The following KCNN2 variants were observed in gnomAD, a reference collection of about 807,000 sequenced individuals.
The protein encoded by KCNN2 is potassium calcium-activated channel subfamily N member 2, also known as small conductance calcium-activated potassium channel protein 2.
In KCNN2, 24 loss-of-function variants were observed where a neutral mutation model predicts 55.5. The observed-to-expected ratio is 0.43, with a 90% CI of 0.31 to 0.61. The LOEUF is 0.61. KCNN2 is among the 20% of genes least tolerant of loss of function. The pLI is 0.08. For missense variants in KCNN2, 754 were observed against 853.6 expected, an observed-to-expected ratio of 0.88 and a Z score of 1.45; for synonymous variants, 431 against 336.1, an observed-to-expected ratio of 1.28 and a Z score of -3.09.
intron 2 of KCNN2, among the ~76,000 whole-genome samples, chr5:114,254,333 A>G (rs1254858786): frequency 6.6e-6 from 1 of 152,204 alleles, no homozygotes; most frequent in Non-Finnish European, 1.5e-5. Context: ...CCAAAGTACA[A>G]TGTCTGAATC....
intron 2 of KCNN2, among the ~76,000 whole-genome samples, chr5:114,393,679 A>G (rs995715030): frequency 6.6e-6 from 1 of 152,018 alleles, no homozygotes; most frequent in Non-Finnish European, 1.5e-5. Flanking sequence ...TTTATCATTA[A>G]TTTCTGGAGT....
chr5:114,435,320 T>A (rs1010695750), intron 3 of KCNN2, among the ~76,000 whole-genome samples: 3 of 152,140 alleles, frequency 2.0e-5, no homozygotes, highest in African/African-American at 7.2e-5. Flanking sequence ...GTGTCCCTAG[T>A]TTTGAGGGTG....
chr5:114,123,996 G>A (rs907506152), intron 1 of KCNN2, among the ~76,000 whole-genome samples: 3 of 152,146 alleles, frequency 2.0e-5, no homozygotes, highest in Non-Finnish European at 4.4e-5. Flanking sequence ...CAACAAGAAT[G>A]TTGTTTTACA....
intron 1 of KCNN2, among the ~76,000 whole-genome samples, chr5:114,160,006 A>C (rs1207235662): frequency 6.6e-6 from 1 of 151,840 alleles, no homozygotes; most frequent in African/African-American, 2.4e-5. Context: ...TGTTTCCTTC[A>C]GTTCTGCTCT....
intron 1 of KCNN2, among the ~76,000 whole-genome samples, chr5:114,167,489 T>C (rs1429058604): frequency 6.6e-6 from 1 of 152,146 alleles, no homozygotes; most frequent in African/African-American, 2.4e-5. Flanking sequence ...AACTTACCTG[T>C]ATATACACTC....
At chr5:114,442,366 GTAGTGATTTT>G (rs145448711) in intron 3 of KCNN2, among the ~76,000 whole-genome samples, 6,678 of 152,036 alleles carry the variant, frequency 0.044, 454 homozygotes, top group African/African-American at 0.15. Context: ...GGACATTTAT[GTAGTGATTTT>G]AAGGAAAAAC....
chr5:114,392,383 C>T lies in KCNN2; in HGVS notation c.1219-12055C>T, dbSNP rs903604469. ...AGCAAGTTTTTTTCTTCATACTTTT[C>T]TCCTAGAGAGGAGTTGGCAATTCAG... is the stretch of plus-strand genomic sequence containing the variant. On this transcript the variant is annotated intron_variant, in intron 2 of 7. Coordinates refer to ENST00000673685, the MANE Select transcript of KCNN2 (RefSeq NM_021614.4). Among the ~76,000 whole-genome samples the T allele has an allele frequency of 8.5e-5, 13 of 152,200 alleles. No individual in the cohort carries two copies. In the East Asian group the frequency reaches 2.3e-3, roughly 27 times the overall value.
chr5:114,482,922 A>G (rs1342765406), intron 5 of KCNN2, among the ~76,000 whole-genome samples: 2 of 152,058 alleles, frequency 1.3e-5, no homozygotes, highest in Non-Finnish European at 2.9e-5. Context: ...AGAATAGCTA[A>G]TGGACGCTGG....
Position 114,123,363 on chromosome 5 carries a change from T to TAA in KCNN2, c.-271+66863_-271+66864insAA, listed in dbSNP as rs1751863049. ...GTACATTTTCTTAATTTTTTTTTTTTTTTTTTTTTTTTTTTTTGAGACAGA... is the reference window on the plus strand; with the variant it reads ...GTACATTTTCTTAATTTTTTTTTTTTAATTTTTTTTTTTTTTTTTGAGACAGA... On this transcript the variant is annotated intron_variant, in intron 1 of 10. Coordinates refer to the KCNN2 transcript ENST00000512097. Among the ~76,000 whole-genome samples the TAA allele has an allele frequency of 3.5e-5, 2 of 56,560 alleles. 1 individual carries two copies. Among genetic ancestry groups the TAA allele is most frequent in the African/African-American group, 2.3e-4 (2 of 8,604 alleles). 37.1% of individuals were successfully genotyped at this position (56,560 alleles called of 152,430 possible). A position where few individuals can be genotyped will look rare whatever the true frequency, so the allele number is the denominator to read the frequency against.
At chr5:114,144,241 G>A (rs1445183714) in intron 1 of KCNN2, among the ~76,000 whole-genome samples, 1 of 152,130 alleles carries the variant, frequency 6.6e-6, no homozygotes, top group Non-Finnish European at 1.5e-5. Context: ...CATTGCATTT[G>A]TGATCTTTGT....
intron 3 of KCNN2, among the ~76,000 whole-genome samples, chr5:114,442,101 A>G (rs1029785492): frequency 1.3e-5 from 2 of 152,164 alleles, no homozygotes; most frequent in Admixed American, 1.3e-4. Context: ...GTTAGTGACA[A>G]CCTGGTTGGT....
intron 2 of KCNN2, among the ~76,000 whole-genome samples, chr5:114,249,628 A>G (rs916759639): frequency 6.6e-5 from 10 of 152,000 alleles, no homozygotes; most frequent in African/African-American, 2.4e-4. Flanking sequence ...TGACAATATT[A>G]TGATAGATTC....
At chr5:114,461,507 C>T (rs543157161) in intron 3 of KCNN2, among the ~76,000 whole-genome samples, 64 of 152,214 alleles carry the variant, frequency 4.2e-4, no homozygotes, top group African/African-American at 1.4e-3. Context: ...CACTCCAGCC[C>T]GGAGCCTGTT....
At chr5:114,347,120 G>T (rs1012034655) in intron 2 of KCNN2, among the ~76,000 whole-genome samples, 1 of 152,178 alleles carries the variant, frequency 6.6e-6, no homozygotes, top group African/African-American at 2.4e-5. Flanking sequence ...AATCAATATA[G>T]AAGGTATTAT....
chr5:114,306,612 G>T (rs1327045182), intron 2 of KCNN2, among the ~76,000 whole-genome samples: 1 of 152,008 alleles, frequency 6.6e-6, no homozygotes, highest in Admixed American at 6.6e-5. Flanking sequence ...CCACAGGATG[G>T]GTCTGAGGAC....
At chr5:114,100,121 T>C (rs954606325) in intron 1 of KCNN2, among the ~76,000 whole-genome samples, 4 of 152,124 alleles carry the variant, frequency 2.6e-5, no homozygotes, top group South Asian at 4.1e-4. Context: ...GAGACCTGAG[T>C]GTAATTTTAA....
chr5:114,216,199 TCAA>T (rs1480019532), intron 1 of KCNN2, among the ~76,000 whole-genome samples: 1 of 152,176 alleles, frequency 6.6e-6, no homozygotes, highest in Non-Finnish European at 1.5e-5. Context: ...GTTTGGAATT[TCAA>T]CAACATGAGA....
At chr5:114,102,211 G>T (rs1348123289) in intron 1 of KCNN2, among the ~76,000 whole-genome samples, 2 of 151,670 alleles carry the variant, frequency 1.3e-5, no homozygotes, top group Non-Finnish European at 2.9e-5. Context: ...TCATGTGTCT[G>T]TTGGCCACAT....
chr5:114,190,207 A>C (rs557902145), intron 1 of KCNN2, among the ~76,000 whole-genome samples: 63 of 152,178 alleles, frequency 4.1e-4, no homozygotes, highest in Admixed American at 8.5e-4. Flanking sequence ...GAAGATGTGC[A>C]TACCTTGTTA....
Sources: allele counts gnomAD v4.1 joint callset (sites outside exome capture counted in the v4.1 genomes callset), GRCh38; gene constraint gnomAD v4.1.1; transcripts MANE v1.5; gene names NCBI Gene and HGNC (gene_info 2026-07-23, HGNC 2026-07-21).